The following ELK3 variants were observed in gnomAD, a reference collection of about 807,000 sequenced individuals.
ELK3 encodes ETS domain-containing protein Elk-3.
In ELK3, 10 loss-of-function variants were observed where a neutral mutation model predicts 28.9. The observed-to-expected ratio is 0.35, with a 90% CI of 0.21 to 0.59. The LOEUF is 0.59. Ranked by LOEUF, ELK3 falls within the 20% of genes least tolerant of loss-of-function variation. ELK3 has a pLI of 0.82. For synonymous variants in ELK3, 272 were observed against 243.5 expected (o/e 1.12, Z -1.09); for missense variants, 463 against 517.3 (o/e 0.90, Z 1.02).
chr12:96,219,989 C>T (rs951724181), intron 1 of ELK3, among the ~76,000 whole-genome samples: 34 of 152,234 alleles, frequency 2.2e-4, no homozygotes, highest in South Asian at 4.1e-4. Flanking sequence ...TCACCTCCGC[C>T]GGAGCAGTGT....
At chr12:96,203,226 G>GC (rs1290866539) in intron 1 of ELK3, among the ~76,000 whole-genome samples, 1 of 152,170 alleles carries the variant, frequency 6.6e-6, no homozygotes, top group Non-Finnish European at 1.5e-5. Context: ...TAGGGCTGGT[G>GC]CCCCTCATTA....
intron 1 of ELK3, among the ~76,000 whole-genome samples, chr12:96,218,750 G>A (rs989651377): frequency 2.0e-5 from 3 of 150,362 alleles, no homozygotes; most frequent in African/African-American, 7.4e-5. Context: ...CTGGGTTCAC[G>A]CCATTCTCCT....
At chr12:96,252,194 A>G (rs934064391) in intron 3 of ELK3, among the ~76,000 whole-genome samples, 6 of 152,240 alleles carry the variant, frequency 3.9e-5, no homozygotes, top group African/African-American at 1.4e-4. Flanking sequence ...GTTTAAGCCC[A>G]GGTGAGACCT....
intron 1 of ELK3, among the ~76,000 whole-genome samples, chr12:96,201,108 A>T (rs545123947): frequency 1.3e-5 from 2 of 152,240 alleles, no homozygotes; most frequent in Admixed American, 6.5e-5. Context: ...TATTTTATTT[A>T]ATCTGCTTAG....
chr12:96,225,643 C>A (rs1429975953), intron 2 of ELK3, among the ~76,000 whole-genome samples: 1 of 152,176 alleles, frequency 6.6e-6, no homozygotes, highest in Non-Finnish European at 1.5e-5. Flanking sequence ...GGATGAGAAA[C>A]CTGCCCAGGT....
At chr12:96,197,218 G>A (rs183571102) in intron 1 of ELK3, among the ~76,000 whole-genome samples, 13 of 152,204 alleles carry the variant, frequency 8.5e-5, no homozygotes, top group Admixed American at 5.2e-4. Flanking sequence ...TTACGTTAGT[G>A]GTTCACAACT....
intron 4 of ELK3, among the ~76,000 whole-genome samples, chr12:96,262,634 T>G (rs1952001036): frequency 6.6e-6 from 1 of 152,278 alleles, no homozygotes; most frequent in East Asian, 1.9e-4. Context: ...TTTAAAATAT[T>G]ATTAGTCTTC....
At chr12:96,262,908 C>T (rs1266529313) in intron 4 of ELK3, among the ~76,000 whole-genome samples, 1 of 151,828 alleles carries the variant, frequency 6.6e-6, no homozygotes, top group East Asian at 1.9e-4. Flanking sequence ...CCACTTCAGC[C>T]TCTGGAGTAG....
intron 3 of ELK3, 150 bp from the exon 4 acceptor site, chr12:96,259,581 C>T (rs762989315): frequency 1.3e-5 from 10 of 782,648 alleles, no homozygotes; most frequent in Non-Finnish European, 2.0e-5. Context: ...TGTTCACAGC[C>T]CCTCAGAATT....
chr12:96,252,665 G>A (rs1951916404), intron 3 of ELK3, among the ~76,000 whole-genome samples: 1 of 152,180 alleles, frequency 6.6e-6, no homozygotes, highest in South Asian at 2.1e-4. Context: ...AGTGGAGCCT[G>A]GAGATGCAAC....
chr12:96,222,694 C>T (rs1387476385), intron 1 of ELK3: 1 of 152,202 alleles, frequency 6.6e-6, no homozygotes, highest in Non-Finnish European at 1.5e-5. Context: ...AGAGATATTC[C>T]AGGCACCTGT....
chr12:96,228,157 C>T (rs564901833), intron 2 of ELK3, among the ~76,000 whole-genome samples: 44 of 152,072 alleles, frequency 2.9e-4, no homozygotes, highest in Non-Finnish European at 5.9e-4. Context: ...TGGTGGCTCA[C>T]GCCTGTAATC....
At chr12:96,261,504 T>A (rs1951992359) in intron 4 of ELK3, among the ~76,000 whole-genome samples, 1 of 152,232 alleles carries the variant, frequency 6.6e-6, no homozygotes, top group Non-Finnish European at 1.5e-5. Flanking sequence ...AGCAGCAGAA[T>A]TCTAAAATTA....
At chr12:96,238,340 C>T (rs1166755682) in intron 2 of ELK3, among the ~76,000 whole-genome samples, 1 of 152,150 alleles carries the variant, frequency 6.6e-6, no homozygotes, top group African/African-American at 2.4e-5. Flanking sequence ...AACTGAGCCC[C>T]GTGTAGATGT....
chr12:96,210,565 GCA>G (rs56257302), intron 1 of ELK3, among the ~76,000 whole-genome samples: 73 of 146,410 alleles, frequency 5.0e-4, no homozygotes, highest in East Asian at 2.9e-3. Context: ...GCGGGCGCAC[GCA>G]CACACACACA....
intron 3 of ELK3, chr12:96,255,451 T>C (rs1461232492): frequency 6.6e-6 from 1 of 152,302 alleles, no homozygotes; most frequent in East Asian, 1.9e-4. Flanking sequence ...TGGGCTGGGC[T>C]GGGTGGTCAG....
At chr12:96,256,748 C>T (rs1397062177) in intron 3 of ELK3, among the ~76,000 whole-genome samples, 1 of 152,132 alleles carries the variant, frequency 6.6e-6, no homozygotes, top group Non-Finnish European at 1.5e-5. Context: ...TAAGAAATCC[C>T]ATCTGGTTGA....
intron 2 of ELK3, among the ~76,000 whole-genome samples, chr12:96,243,205 A>C (rs948141679): frequency 6.6e-6 from 1 of 152,168 alleles, no homozygotes; most frequent in East Asian, 1.9e-4. Flanking sequence ...CCCATTTACC[A>C]TATACAGTTC....
intron 2 of ELK3, among the ~76,000 whole-genome samples, chr12:96,241,431 T>TGG (rs1254389823): frequency 6.7e-6 from 1 of 149,288 alleles, no homozygotes; most frequent in Non-Finnish European, 1.5e-5. Context: ...AGCGTTTGTG[T>TGG]GTGTGTGTGT....
Sources: allele counts gnomAD v4.1 joint callset (sites outside exome capture counted in the v4.1 genomes callset), GRCh38; gene constraint gnomAD v4.1.1; transcripts MANE v1.5; gene names NCBI Gene and HGNC (gene_info 2026-07-23, HGNC 2026-07-21).